TAGLN3: variants seen among roughly 807,000 people sequenced by gnomAD.
TAGLN3 encodes the protein transgelin-3.
A neutral mutation model predicts 25.4 loss-of-function variants in TAGLN3; 12 were observed. The observed-to-expected ratio is 0.47, with a 90% CI of 0.30 to 0.77. The LOEUF (loss-of-function observed/expected upper bound fraction) is 0.77, where lower values mean the gene tolerates loss of function less well. Ranked by LOEUF, TAGLN3 falls within the 30% of genes least tolerant of loss-of-function variation. The pLI, the probability that TAGLN3 is intolerant of heterozygous loss-of-function variation, is 0.06. For missense variants in TAGLN3, 218 were observed against 255.8 expected (o/e 0.85, Z 1.01); for synonymous variants, 96 against 94.8 (o/e 1.01, Z -0.08).
At chr3:112,003,667 G>A (rs1268221254) in intron 3 of TAGLN3, among the ~76,000 whole-genome samples, 1 of 152,110 alleles carries the variant, frequency 6.6e-6, no homozygotes, top group Non-Finnish European at 1.5e-5. Context: ...CATTAATTCT[G>A]GATTCCCTGC....
chr3:111,999,476 C>A lies in TAGLN3; in HGVS notation c.54C>A (p.Ile18=). ...TAAGCCGAGAGGTGCAGGAGAAGAT[C>A]GAGCAGAAGTATGATGCGGACCTGG... is the stretch of plus-strand genomic sequence containing the variant. The part of the protein sequence containing the change: ...YGLSREVQEK[I]EQKYDADLEN... Residue 18 remains isoleucine (I), a synonymous_variant, in exon 2 of 5, where the codon ATC becomes ATA. Transcript: ENST00000478951. The A allele has an allele frequency of 1.2e-6, 2 of 1,614,160 alleles. No homozygotes were observed. The highest frequency in any genetic ancestry group is 1.7e-6 in the Non-Finnish European group (2 of 1,180,034).
chr3:112,000,610 G>A, intron 2 of TAGLN3, 162 bp from the exon 3 acceptor site: 1 of 681,832 alleles, frequency 1.5e-6, no homozygotes, highest in Non-Finnish European at 2.5e-6. Flanking sequence ...CTTAGTATAG[G>A]AGCCTGGCTA....
chr3:112,003,953 A>G (rs182997628), intron 3 of TAGLN3, among the ~76,000 whole-genome samples: 2 of 152,312 alleles, frequency 1.3e-5, no homozygotes, highest in Admixed American at 1.3e-4. Flanking sequence ...CCCCAGATGT[A>G]CCACTATCCT....
rs545892338 is a variant in TAGLN3 at position 112,004,882 on chromosome 3, C to T, written c.355+3936C>T. On this transcript the variant is annotated intron_variant, in intron 3 of 4. Coordinates refer to ENST00000478951, the MANE Select transcript of TAGLN3 (RefSeq NM_001008272.2). Reference sequence around the variant, plus strand: ...GGGCGGGGGAGGTTGCCTGAATGACCTTTGCCCTCTCTGACAGCTGTGGAG... The same window carrying T: ...GGGCGGGGGAGGTTGCCTGAATGACTTTTGCCCTCTCTGACAGCTGTGGAG... 2.0e-5 allele frequency among the ~76,000 whole-genome samples: 3 copies of T among 152,232 alleles called. No homozygotes were observed. The South Asian group carries it at 6.2e-4, about 32-fold the overall frequency.
chr3:112,003,021 A>G (rs1206820188), intron 3 of TAGLN3, among the ~76,000 whole-genome samples: 2 of 152,138 alleles, frequency 1.3e-5, no homozygotes, highest in African/African-American at 4.8e-5. Context: ...TCCCAGCCCT[A>G]GGGTAGAAAA....
chr3:112,001,411 T>C (rs1465160138), intron 3 of TAGLN3, among the ~76,000 whole-genome samples: 1 of 152,264 alleles, frequency 6.6e-6, no homozygotes, highest in Non-Finnish European at 1.5e-5. Context: ...GCTTGGTGAC[T>C]ATGCCTTCCA....
chr3:111,999,203 TAG>T (rs1234328511), intron 1 of TAGLN3, 89 bp downstream of exon 1: 1 of 516,296 alleles, frequency 1.9e-6, no homozygotes, highest in African/African-American at 1.9e-5. Context: ...AGGTTTATTC[TAG>T]AGTTACTGGC....
rs1001342615 is a variant in TAGLN3 at position 111,999,568 on chromosome 3, G to C, written c.146G>C (p.Arg49Thr). Residue 49 changes from arginine (R) to threonine (T), a missense_variant, in exon 2 of 5, where the codon AGG becomes ACG. By Grantham distance (71) the Arg-to-Thr change is moderately conservative. Transcript: ENST00000478951. ...AEDIEHPPPGRAHFQKWLMDG... is the reference protein window; with the variant it reads ...AEDIEHPPPGTAHFQKWLMDG... ...GACATAGAGCACCCGCCCCCCGGCAGGGCCCATTTTCAGAAATGGTTAATG... is the reference window on the plus strand; with the variant it reads ...GACATAGAGCACCCGCCCCCCGGCACGGCCCATTTTCAGAAATGGTTAATG... The C allele has an allele frequency of 3.7e-6, 6 of 1,614,148 alleles. No individual in the cohort carries two copies. Among genetic ancestry groups the C allele is most frequent in the Non-Finnish European group, 5.1e-6 (6 of 1,179,998 alleles).
chr3:112,006,599 T>C (rs774753), intron 3 of TAGLN3, among the ~76,000 whole-genome samples: 34,690 of 152,022 alleles, frequency 0.23, 4,327 homozygotes, highest in East Asian at 0.53. Flanking sequence ...GACTGATATA[T>C]AATAGAAGTA....
At chr3:112,008,509 C>A (rs2072942735) in intron 3 of TAGLN3, among the ~76,000 whole-genome samples, 1 of 152,158 alleles carries the variant, frequency 6.6e-6, no homozygotes, top group African/African-American at 2.4e-5. Context: ...GTGCACATCA[C>A]AGAGCTTCCT....
At chr3:112,002,973 A>C (rs1473944652) in intron 3 of TAGLN3, among the ~76,000 whole-genome samples, 1 of 152,060 alleles carries the variant, frequency 6.6e-6, no homozygotes, top group Non-Finnish European at 1.5e-5. Context: ...AGGGCCGTGG[A>C]CCAGTCAGCT....
At chr3:112,002,250 A>G (rs1449418060) in intron 3 of TAGLN3, among the ~76,000 whole-genome samples, 2 of 152,224 alleles carry the variant, frequency 1.3e-5, no homozygotes, top group African/African-American at 4.8e-5. Flanking sequence ...TTTCCTATGC[A>G]CAAGGCATTG....
rs1388010228 is a variant in TAGLN3, at chr3:112,013,626, C to T, written c.*75C>T. On this transcript the variant is annotated 3_prime_UTR_variant, in exon 5 of 5. Transcript: ENST00000478951. ...TCTCTACGAAAAAGAAATAGTTAGTCACCTTCTGACCTTCTCCTCTTTCTC... is the reference window on the plus strand; with the variant it reads ...TCTCTACGAAAAAGAAATAGTTAGTTACCTTCTGACCTTCTCCTCTTTCTC... 1.3e-6 allele frequency: 2 copies of T among 1,597,120 alleles called. No individual in the cohort carries two copies. The highest frequency in any genetic ancestry group is 1.7e-6 in the Non-Finnish European group (2 of 1,169,092).
intron 3 of TAGLN3, among the ~76,000 whole-genome samples, chr3:112,008,920 C>T (rs942098075): frequency 1.3e-5 from 2 of 152,126 alleles, no homozygotes; most frequent in Non-Finnish European, 1.5e-5. Context: ...GCAGAGTGTA[C>T]AGGAAGTGTG....
intron 3 of TAGLN3, among the ~76,000 whole-genome samples, chr3:112,004,089 A>T (rs2072891242): frequency 1.3e-5 from 2 of 152,266 alleles, no homozygotes; most frequent in African/African-American, 4.8e-5. Flanking sequence ...GACATTATAG[A>T]TAAAGCTACT....
At chr3:112,000,124 C>G (rs2072839144) in intron 2 of TAGLN3, among the ~76,000 whole-genome samples, 2 of 152,188 alleles carry the variant, frequency 1.3e-5, no homozygotes, top group Admixed American at 1.3e-4. Context: ...TGACCAAATG[C>G]TCGTGTGTGT....
At chr3:112,009,749 A>G (rs950843698) in intron 3 of TAGLN3, among the ~76,000 whole-genome samples, 59 of 152,124 alleles carry the variant, frequency 3.9e-4, no homozygotes, top group Non-Finnish European at 1.9e-4. Context: ...CTTGCTTTGG[A>G]AAGTTTCTTA....
intron 1 of TAGLN3, 114 bp from the exon 2 acceptor site, chr3:111,999,307 T>C (rs1174344895): frequency 8.0e-7 from 1 of 1,253,024 alleles, no homozygotes; most frequent in East Asian, 2.6e-5. Flanking sequence ...TTCTGCCCTC[T>C]TTGCTGCTGC....
At chr3:112,000,636 G>C (rs1405773229) in intron 2 of TAGLN3, 136 bp from the exon 3 acceptor site, 1 of 892,700 alleles carries the variant, frequency 1.1e-6, no homozygotes, top group Non-Finnish European at 1.7e-6. Flanking sequence ...CCCAGAGCCC[G>C]TGCCTTCCTA....
Sources: allele counts gnomAD v4.1 joint callset (sites outside exome capture counted in the v4.1 genomes callset), GRCh38; gene constraint gnomAD v4.1.1; transcripts MANE v1.5; gene names NCBI Gene and HGNC (gene_info 2026-07-23, HGNC 2026-07-21).